TRPM3: variants seen among roughly 807,000 people sequenced by gnomAD.
TRPM3 encodes the protein long transient receptor potential channel 3.
A neutral mutation model predicts 181.2 loss-of-function variants in TRPM3; 77 were observed. The ratio of observed to expected loss-of-function variants is 0.42; its 90% CI spans 0.35 to 0.51. The LOEUF (loss-of-function observed/expected upper bound fraction) is 0.51. Among genes scored for constraint, TRPM3 ranks in the 20% least tolerant of loss-of-function variants. The pLI is 0.01. For missense variants in TRPM3, 1,759 were observed against 2,196.7 expected (o/e 0.80, Z 3.98); for synonymous variants, 745 against 796.4 (o/e 0.94, Z 1.09).
chr9:70,607,303 T>G (rs1159483106), intron 19 of TRPM3, among the ~76,000 whole-genome samples: 1 of 152,198 alleles, frequency 6.6e-6, no homozygotes, highest in Admixed American at 6.5e-5. Context: ...CCAAAGCACA[T>G]GGGACCTTCA....
intron 1 of TRPM3, among the ~76,000 whole-genome samples, chr9:71,159,088 T>C (rs564464981): frequency 1.6e-5 from 2 of 126,512 alleles, no homozygotes; most frequent in Admixed American, 1.9e-4. Context: ...TGTGAGCCTA[T>C]ATTATATATA....
intron 8 of TRPM3, among the ~76,000 whole-genome samples, chr9:70,747,414 G>A (rs907969889): frequency 1.3e-5 from 2 of 152,114 alleles, no homozygotes; most frequent in East Asian, 1.9e-4. Flanking sequence ...AAAAATGACT[G>A]TAAGGAGATC....
At chr9:70,814,224 G>A (rs995589960) in intron 6 of TRPM3, among the ~76,000 whole-genome samples, 4 of 152,150 alleles carry the variant, frequency 2.6e-5, no homozygotes, top group African/African-American at 7.2e-5. Context: ...AGAGAAGCAC[G>A]TTTTTCATGG....
intron 1 of TRPM3, among the ~76,000 whole-genome samples, chr9:71,441,177 ATAT>A (rs1290828533): frequency 6.6e-6 from 1 of 152,208 alleles, no homozygotes; most frequent in Non-Finnish European, 1.5e-5. Context: ...CTAGAGAAAG[ATAT>A]TATTTCAGAA....
Position 70,535,358 on chromosome 9 carries a change from A to G in TRPM3, c.*595T>C. ...ATGACTGTTACCTTGTTTTTTCTTT[A>G]TAATGATCAATTACAGAAGTGTTGG... On this transcript the variant is annotated 3_prime_UTR_variant, in exon 26 of 26. Transcript: ENST00000677713. 3 of 1,507,932 alleles carry G rather than the reference A, an allele frequency of 2.0e-6. No individual in the cohort carries two copies. The South Asian group carries it at 3.6e-5, about 18-fold the overall frequency. 93.4% of individuals were successfully genotyped at this position (1,507,932 alleles called of 1,614,324 possible).
intron 6 of TRPM3, among the ~76,000 whole-genome samples, chr9:70,798,628 C>T (rs1480918323): frequency 1.3e-5 from 2 of 152,156 alleles, no homozygotes; most frequent in Non-Finnish European, 2.9e-5. Context: ...CAGTGCCTCA[C>T]ACTCAAAAGG....
chr9:70,657,197 G>GT (rs1327825742), intron 9 of TRPM3, among the ~76,000 whole-genome samples: 7 of 98,450 alleles, frequency 7.1e-5, no homozygotes, highest in East Asian at 3.1e-4. Flanking sequence ...TGGGCTTGAG[G>GT]TAAAAAAAAA....
At chr9:71,338,041 C>G (rs2090685344) in intron 1 of TRPM3, among the ~76,000 whole-genome samples, 1 of 151,786 alleles carries the variant, frequency 6.6e-6, no homozygotes, top group Non-Finnish European at 1.5e-5. Flanking sequence ...CGTAACAAAC[C>G]TGCACATTCT....
intron 1 of TRPM3, among the ~76,000 whole-genome samples, chr9:71,285,108 G>C (rs74469357): frequency 3.9e-4 from 59 of 152,270 alleles, no homozygotes; most frequent in African/African-American, 1.4e-3. Flanking sequence ...CTAGTAATGT[G>C]TTTACATATT....
intron 1 of TRPM3, among the ~76,000 whole-genome samples, chr9:71,036,008 T>G (rs986129935): frequency 4.0e-4 from 60 of 150,498 alleles, no homozygotes; most frequent in African/African-American, 1.3e-3. Flanking sequence ...TTTTTAATTT[T>G]GGGATTTTTT....
chr9:70,839,003 G>A (rs1366436052), intron 5 of TRPM3, among the ~76,000 whole-genome samples: 1 of 152,064 alleles, frequency 6.6e-6, no homozygotes. Context: ...CACCCAACAG[G>A]CCGCTCCCTC....
At chr9:70,614,665 C>T (rs927652754) in intron 18 of TRPM3, among the ~76,000 whole-genome samples, 1 of 152,130 alleles carries the variant, frequency 6.6e-6, no homozygotes, top group African/African-American at 2.4e-5. Context: ...ACTTTTTACA[C>T]GAGACAACTA....
At chr9:71,347,733 G>C (rs1053758964) in intron 1 of TRPM3, among the ~76,000 whole-genome samples, 1 of 151,726 alleles carries the variant, frequency 6.6e-6, no homozygotes, top group Non-Finnish European at 1.5e-5. Flanking sequence ...AACATAGTGA[G>C]GCCTCGTGTT....
chr9:71,057,302 C>T (rs903344596), intron 1 of TRPM3, among the ~76,000 whole-genome samples: 1 of 151,916 alleles, frequency 6.6e-6, no homozygotes, highest in Non-Finnish European at 1.5e-5. Context: ...TTTTTGTAGC[C>T]CTAGCTTGGG....
At position 70,529,142 on chromosome 9, in the gene TRPM3, G is replaced by C. The variant is rs2040520216; in HGVS notation, c.*6811C>G. 1 of 151,966 alleles carries C rather than the reference G, an allele frequency of 6.6e-6. No individual in the cohort carries two copies. Among genetic ancestry groups the C allele is most frequent in the African/African-American group, 2.4e-5 (1 of 41,356 alleles). 9.4% of individuals were successfully genotyped at this position (151,966 alleles called of 1,614,324 possible). A position where few individuals can be genotyped will look rare whatever the true frequency, so the allele number is the denominator to read the frequency against. ...TCAGAAAGTTTTTCCCGTGGTATCT[G>C]CCAACTTCTGCTCTGAATTGTATAT... On this transcript the variant is annotated 3_prime_UTR_variant, in exon 26 of 26. Transcript: ENST00000677713.
chr9:71,172,215 T>C (rs7043845), intron 1 of TRPM3, among the ~76,000 whole-genome samples: 64,838 of 151,760 alleles, frequency 0.43, 13,993 homozygotes, highest in East Asian at 0.52. Flanking sequence ...AGAAGGCAGG[T>C]GTTTTGGAGG....
chr9:70,822,518 A>G (rs1268803363), intron 6 of TRPM3, among the ~76,000 whole-genome samples: 1 of 152,090 alleles, frequency 6.6e-6, no homozygotes, highest in East Asian at 1.9e-4. Context: ...TAGAAAGTAG[A>G]AGAGTGGCCA....
rs551627397 is a variant in TRPM3, at chr9:71,252,751, G to A, written c.183+193902C>T. The stretch of plus-strand genomic sequence containing the variant: ...CAGTGGAGCAGTCATGGCACATTGC[G>A]GCCTCGGCCTCCTTGGGCTTAAGTC... On this transcript the variant is annotated intron_variant, in intron 1 of 24. Transcript: ENST00000357533. Among the ~76,000 whole-genome samples the A allele has an allele frequency of 2.5e-4, 38 of 151,942 alleles. No homozygotes were observed. In the South Asian group the frequency reaches 2.7e-3, roughly 11 times the overall value.
intron 1 of TRPM3, among the ~76,000 whole-genome samples, chr9:71,192,061 C>A (rs1055306441): frequency 1.3e-5 from 2 of 151,758 alleles, no homozygotes; most frequent in African/African-American, 4.8e-5. Context: ...GTAACCTTTA[C>A]GTCTGAGCTT....
Sources: allele counts gnomAD v4.1 joint callset (sites outside exome capture counted in the v4.1 genomes callset), GRCh38; gene constraint gnomAD v4.1.1; transcripts MANE v1.5; gene names NCBI Gene and HGNC (gene_info 2026-07-23, HGNC 2026-07-21).